Variants in KCNN1 observed in about 807,000 individuals in gnomAD.
KCNN1 encodes the protein potassium calcium-activated channel subfamily N member 1.
Under a neutral mutation model 44.7 loss-of-function variants are expected in KCNN1, and 20 were observed. That is an observed-to-expected ratio of 0.45 (90% CI 0.32 to 0.65). The LOEUF (loss-of-function observed/expected upper bound fraction) is 0.65, where lower values mean the gene tolerates loss of function less well. Ranked by LOEUF, KCNN1 falls within the 30% of genes least tolerant of loss-of-function variation. KCNN1 has a pLI of 0.05. For missense variants in KCNN1, 632 were observed against 785.3 expected (o/e 0.80, Z 2.33); for synonymous variants, 324 against 341.7 (o/e 0.95, Z 0.57).
intron 1 of KCNN1, chr19:17,972,019 T>C (rs2032040148): frequency 6.6e-6 from 1 of 151,518 alleles, no homozygotes; most frequent in African/African-American, 2.4e-5. Context: ...GAAATAAAAA[T>C]AAATCATCTA....
chr19:17,978,372 G>A (rs956133854), intron 3 of KCNN1, among the ~76,000 whole-genome samples: 10 of 148,330 alleles, frequency 6.7e-5, no homozygotes, highest in African/African-American at 1.7e-4. Context: ...TGTTCCACCC[G>A]CCTCGGCCTT....
intron 3 of KCNN1, among the ~76,000 whole-genome samples, chr19:17,980,061 T>C: frequency 8.0e-6 from 1 of 124,730 alleles, no homozygotes; most frequent in East Asian, 2.5e-4. Context: ...TTTCTTTTTC[T>C]TTCTTTTTTT....
At chr19:17,981,064 AAAATT>A (rs1369837865) in intron 3 of KCNN1, among the ~76,000 whole-genome samples, 1 of 151,648 alleles carries the variant, frequency 6.6e-6, no homozygotes, top group Non-Finnish European at 1.5e-5. Flanking sequence ...TAAAAATACA[AAAATT>A]AGCCAGGCAT....
chr19:17,992,600 CA>C lies in KCNN1; in HGVS notation c.1299-446del, dbSNP rs369519736. Among the ~76,000 whole-genome samples, 1,247 of 151,750 alleles carry C rather than the reference CA, an allele frequency of 8.2e-3. 7 individuals are homozygous for C. The highest frequency in any genetic ancestry group is 0.028 in the African/African-American group (1,140 of 41,402). On this transcript the variant is annotated intron_variant, in intron 7 of 9. Coordinates refer to ENST00000684775, the MANE Select transcript of KCNN1 (RefSeq NM_001386974.1). ...TGGGTGACAGAGTGAGACTCCGTCT[CA>C]AAAAAAACAAAGGGATGGTCAAAAG... is the stretch of plus-strand genomic sequence containing the variant.
chr19:17,987,135 A>C (rs2032627019), intron 5 of KCNN1, among the ~76,000 whole-genome samples: 2 of 144,472 alleles, frequency 1.4e-5, no homozygotes. Context: ...TTTGAGATAG[A>C]GTCTCGCTCT....
intron 7 of KCNN1, among the ~76,000 whole-genome samples, chr19:17,992,735 G>A (rs967518662): frequency 1.1e-4 from 17 of 152,312 alleles, no homozygotes; most frequent in African/African-American, 4.1e-4. Context: ...AAATCCTGCC[G>A]GGGTGCGGAT....
intron 1 of KCNN1, among the ~76,000 whole-genome samples, chr19:17,970,517 A>T (rs537624436): frequency 6.6e-6 from 1 of 151,246 alleles, no homozygotes; most frequent in African/African-American, 2.4e-5. Flanking sequence ...GGGTTTCACT[A>T]TGTTGGCCAG....
chr19:17,964,297 A>G (rs1269691510), upstream of KCNN1, among the ~76,000 whole-genome samples: 2 of 152,166 alleles, frequency 1.3e-5, no homozygotes, highest in African/African-American at 4.8e-5. The surrounding 1 kb of genome is among the most constrained non-coding windows in gnomAD (Gnocchi z 4.3). Flanking sequence ...ATGGAGGTGT[A>G]GGGAGATGCT....
intron 2 of KCNN1, among the ~76,000 whole-genome samples, chr19:17,955,694 A>G (rs889986980): frequency 5.3e-5 from 8 of 151,714 alleles, no homozygotes; most frequent in Non-Finnish European, 2.9e-5. Context: ...ACTTTCTTTG[A>G]TCACTGGAGT....
At position 17,993,689 on chromosome 19, in the gene KCNN1, G is replaced by A; in HGVS notation, c.1377+130G>A. ...GGCTGAGTGCAGTGGCGGGCGGATC[G>A]CTTGAGCTCAGGAGTTTGAGACCAG... On this transcript the variant is annotated intron_variant, in intron 9 of 9. Transcript: ENST00000684775. The surrounding 1 kb of genome is among the most constrained non-coding windows in gnomAD (Gnocchi z 4.5). 9.7e-6 allele frequency: 7 copies of A among 722,392 alleles called. No individual in the cohort carries two copies. Among genetic ancestry groups the A allele is most frequent in the East Asian group, 2.7e-5 (1 of 37,252 alleles). The allele number at this position is 722,392 out of a possible 1,614,324, so 44.7% of individuals were successfully genotyped here. A position where few individuals can be genotyped will look rare whatever the true frequency, so the allele number is the denominator to read the frequency against.
rs1456458452 is a variant in KCNN1, at chr19:17,999,823, A to G, written c.*1417A>G. The G allele has an allele frequency of 5.6e-5, 20 of 360,228 alleles. No individual in the cohort carries two copies. The highest frequency in any genetic ancestry group is 2.6e-4 in the South Asian group (13 of 50,464). 22.3% of individuals were successfully genotyped at this position (360,228 alleles called of 1,614,324 possible). Reference sequence around the variant, plus strand: ...GCCATCCATCGCCTGGCTCAACGAGATAACTAGGCCGTGGCTGGTGCATGA... The same window carrying G: ...GCCATCCATCGCCTGGCTCAACGAGGTAACTAGGCCGTGGCTGGTGCATGA... On this transcript the variant is annotated 3_prime_UTR_variant, in exon 10 of 10. Transcript: ENST00000684775.
At position 17,982,113 on chromosome 19, in the gene KCNN1, G is replaced by T; in HGVS notation, c.903G>T (p.Val301=). Residue 301 remains valine (V), a synonymous_variant, in exon 4 of 10, where the codon GTG becomes GTT. Coordinates refer to ENST00000684775, the MANE Select transcript of KCNN1 (RefSeq NM_001386974.1). ...ISSWIIAAWT[V]RVCERYHDKQ... is the part of the protein sequence containing the mutation. Reference sequence around the variant, plus strand: ...CCTGGATCATCGCAGCCTGGACCGTGCGCGTCTGCGAGAGGTGCGACCGCC... The same window carrying T: ...CCTGGATCATCGCAGCCTGGACCGTTCGCGTCTGCGAGAGGTGCGACCGCC... 6.4e-7 allele frequency: 1 copy of T among 1,570,950 alleles called. No individual in the cohort carries two copies. Among genetic ancestry groups the T allele is most frequent in the Non-Finnish European group, 8.6e-7 (1 of 1,158,976 alleles).
chr19:17,983,663 A>T lies in KCNN1; in HGVS notation c.917+1536A>T, dbSNP rs375759125. Among the ~76,000 whole-genome samples, 1 of 151,906 alleles carries T rather than the reference A, an allele frequency of 6.6e-6. No homozygotes were observed. The highest frequency in any genetic ancestry group is 2.4e-5 in the African/African-American group (1 of 41,350). On this transcript the variant is annotated intron_variant, in intron 4 of 9. Coordinates refer to ENST00000684775, the MANE Select transcript of KCNN1 (RefSeq NM_001386974.1). This position sits in a 1 kb window ranked among gnomAD's most constrained non-coding sequence, Gnocchi z 4.5. The stretch of plus-strand genomic sequence containing the variant: ...TTCTGAGCCTGGCGACAATGCTTGA[A>T]GCCCCCTTGCCTGCCTCGCTCTGAC...
chr19:17,989,956 G>C, intron 7 of KCNN1, 113 bp downstream of exon 7: 3 of 1,490,284 alleles, frequency 2.0e-6, no homozygotes, highest in Non-Finnish European at 2.8e-6. Context: ...GTGGTCAGTT[G>C]GTTGGGGCCT....
At chr19:17,958,947 G>A (rs896513970) in intron 2 of KCNN1, among the ~76,000 whole-genome samples, 4 of 149,566 alleles carry the variant, frequency 2.7e-5, no homozygotes, top group African/African-American at 9.9e-5. Flanking sequence ...TGATCCACCC[G>A]CCTCGGCCTC....
intron 3 of KCNN1, among the ~76,000 whole-genome samples, chr19:17,980,531 A>G (rs2032369086): frequency 6.6e-6 from 1 of 151,982 alleles, no homozygotes; most frequent in African/African-American, 2.4e-5. Flanking sequence ...TTTGGGGAAC[A>G]CTCATATTTC....
rs1173117725 is a variant in KCNN1, at chr19:17,998,484, C to T, written c.*78C>T. On this transcript the variant is annotated 3_prime_UTR_variant, in exon 10 of 10. Coordinates refer to ENST00000684775, the MANE Select transcript of KCNN1 (RefSeq NM_001386974.1). This position sits in a 1 kb window ranked among gnomAD's most constrained non-coding sequence, Gnocchi z 5.4. ...CTCCGGGAAGCCTTGTACAGTGGCG[C>T]CTCTTGGAGTTCAAGAAGCCAACGC... 1.5e-6 allele frequency: 2 copies of T among 1,348,330 alleles called. No individual in the cohort carries two copies. The highest frequency in any genetic ancestry group is 2.0e-6 in the Non-Finnish European group (2 of 1,023,884). The allele number at this position is 1,348,330 out of a possible 1,614,324, so 83.5% of individuals were successfully genotyped here.
At position 17,993,471 on chromosome 19, in the gene KCNN1, C is replaced by A. The variant is rs1356759242; in HGVS notation, c.1308-19C>A. The A allele has an allele frequency of 1.9e-6, 3 of 1,608,668 alleles. No individual in the cohort carries two copies. Among genetic ancestry groups the A allele is most frequent in the Admixed American group, 1.7e-5 (1 of 59,754 alleles). ...CGGGAACCTGCCTAACCCCCTCCCC[C>A]AACCCCGTGTCCCCACAGGCTCCGG... On this transcript the variant is annotated intron_variant, in intron 8 of 9. Coordinates refer to ENST00000684775, the MANE Select transcript of KCNN1 (RefSeq NM_001386974.1). The surrounding 1 kb of genome is among the most constrained non-coding windows in gnomAD (Gnocchi z 4.5).
intron 1 of KCNN1, among the ~76,000 whole-genome samples, chr19:17,967,924 C>A (rs1310358275): frequency 6.6e-6 from 1 of 151,986 alleles, no homozygotes; most frequent in East Asian, 1.9e-4. Flanking sequence ...ACCCTGCTGG[C>A]TGCTGGCAGG....
Sources: gnomAD v4.1 joint callset for allele counts (sites outside exome capture counted in the v4.1 genomes callset) on GRCh38, gnomAD v4.1.1 for gene constraint, Gnocchi (gnomAD v3.1) non-coding constraint, MANE v1.5 for transcripts, NCBI Gene and HGNC (gene_info 2026-07-23, HGNC 2026-07-21) for gene names.